Variants in UBE2E3 observed in about 807,000 individuals in gnomAD.
UBE2E3 encodes ubiquitin conjugating enzyme E2 E3.
UBE2E3 carries 5 observed loss-of-function variants against 23.6 expected under a neutral mutation model. The observed-to-expected ratio is 0.21, with a 90% CI of 0.11 to 0.44. The LOEUF is 0.44. Ranked by LOEUF, UBE2E3 falls within the 20% of genes least tolerant of loss-of-function variation. The pLI, the probability that UBE2E3 is intolerant of heterozygous loss-of-function variation, is 0.99. For synonymous variants in UBE2E3, 78 were observed against 87.5 expected, an observed-to-expected ratio of 0.89 and a Z score of 0.60; for missense variants, 81 against 249.8, an observed-to-expected ratio of 0.32 and a Z score of 4.55.
chr2:181,023,091 A>G (rs1685759352), intron 3 of UBE2E3, among the ~76,000 whole-genome samples: 1 of 152,234 alleles, frequency 6.6e-6, no homozygotes, highest in Non-Finnish European at 1.5e-5. Context: ...TAACCCCGAC[A>G]TGAGTAAGTT....
At chr2:181,021,644 CTTCCTTCCTTCCTTCCTTCCTTCT>C (rs1440743705) in intron 3 of UBE2E3, among the ~76,000 whole-genome samples, 2 of 125,600 alleles carry the variant, frequency 1.6e-5, no homozygotes, top group African/African-American at 6.0e-5. Flanking sequence ...TCCTTCCTTC[CTTCCTTCCTTCCTTCCTTCCTTCT>C]TTCCTTCCTT....
At chr2:181,044,609 C>A (rs1041519168) in intron 3 of UBE2E3, among the ~76,000 whole-genome samples, 5 of 152,018 alleles carry the variant, frequency 3.3e-5, no homozygotes, top group African/African-American at 1.2e-4. Flanking sequence ...TTTGTAATTT[C>A]AAGATTTGTG....
At chr2:181,023,145 C>G (rs970574685) in intron 3 of UBE2E3, among the ~76,000 whole-genome samples, 2 of 152,182 alleles carry the variant, frequency 1.3e-5, no homozygotes, top group African/African-American at 4.8e-5. Flanking sequence ...CCCCAATAAA[C>G]CCATCCTAAC....
chr2:181,061,514 CT>C (rs1442869067), intron 5 of UBE2E3, among the ~76,000 whole-genome samples: 1 of 151,564 alleles, frequency 6.6e-6, no homozygotes, highest in African/African-American at 2.4e-5. Context: ...TAGGCAACTA[CT>C]TTAATAATAG....
chr2:181,007,500 G>GTT (rs3060035), intron 3 of UBE2E3, among the ~76,000 whole-genome samples: 3 of 146,008 alleles, frequency 2.1e-5, no homozygotes, highest in Non-Finnish European at 3.0e-5. Context: ...AAGTATAATT[G>GTT]TTTTTTTTTT....
chr2:181,042,300 G>A (rs2105668338), intron 3 of UBE2E3, among the ~76,000 whole-genome samples: 1 of 152,280 alleles, frequency 6.6e-6, no homozygotes, highest in East Asian at 1.9e-4. Context: ...AATATTCTGT[G>A]CCTTCAGAGG....
chr2:181,014,713 T>G (rs1442893337), intron 3 of UBE2E3, among the ~76,000 whole-genome samples: 2 of 152,150 alleles, frequency 1.3e-5, no homozygotes. Context: ...TGTTTTATTA[T>G]TTTTTAAATT....
At chr2:181,034,279 A>G (rs868801321) in intron 3 of UBE2E3, among the ~76,000 whole-genome samples, 3 of 152,344 alleles carry the variant, frequency 2.0e-5, no homozygotes, top group African/African-American at 2.4e-5. Flanking sequence ...AACCAACCCA[A>G]ATGTCCATCA....
At chr2:181,032,776 A>G (rs1686124218) in intron 3 of UBE2E3, among the ~76,000 whole-genome samples, 1 of 152,150 alleles carries the variant, frequency 6.6e-6, no homozygotes, top group Non-Finnish European at 1.5e-5. Context: ...TTAATTTAGG[A>G]TTATCAAACA....
At chr2:181,001,346 C>T (rs888332902) in intron 3 of UBE2E3, among the ~76,000 whole-genome samples, 4 of 152,028 alleles carry the variant, frequency 2.6e-5, no homozygotes, top group African/African-American at 9.7e-5. Context: ...GCTTGGATTT[C>T]GAAAGTAGAA....
intron 3 of UBE2E3, among the ~76,000 whole-genome samples, chr2:181,022,090 AAC>A (rs1685721317): frequency 6.6e-6 from 1 of 152,228 alleles, no homozygotes; most frequent in African/African-American, 2.4e-5. Flanking sequence ...AGATAGCATT[AAC>A]AGTAATATTG....
At chr2:181,025,509 T>G (rs1427281288) in intron 3 of UBE2E3, among the ~76,000 whole-genome samples, 1 of 144,578 alleles carries the variant, frequency 6.9e-6, no homozygotes, top group East Asian at 2.1e-4. Context: ...ATTTGGGATA[T>G]ATGGCATTTA....
intron 3 of UBE2E3, among the ~76,000 whole-genome samples, chr2:181,013,193 G>A (rs996744605): frequency 6.6e-6 from 1 of 152,116 alleles, no homozygotes; most frequent in Admixed American, 6.6e-5. Flanking sequence ...TGTTATGATA[G>A]TGAACCATAG....
chr2:181,021,053 T>C (rs1685653765), intron 3 of UBE2E3, among the ~76,000 whole-genome samples: 1 of 152,248 alleles, frequency 6.6e-6, no homozygotes, highest in Non-Finnish European at 1.5e-5. Flanking sequence ...TTTCTTACCC[T>C]ACTATATGTG....
intron 3 of UBE2E3, among the ~76,000 whole-genome samples, chr2:181,051,252 C>G (rs1370840515): frequency 6.6e-6 from 1 of 151,802 alleles, no homozygotes; most frequent in East Asian, 1.9e-4. Context: ...TGAGAGCTAT[C>G]TCTTGCTGAA....
chr2:181,035,295 T>C (rs1686232811), intron 3 of UBE2E3, among the ~76,000 whole-genome samples: 1 of 152,166 alleles, frequency 6.6e-6, no homozygotes, highest in South Asian at 2.1e-4. Flanking sequence ...TGAACTATTC[T>C]TTCAAGGGTT....
At chr2:181,041,813 A>G (rs867965087) in intron 3 of UBE2E3, among the ~76,000 whole-genome samples, 1 of 152,316 alleles carries the variant, frequency 6.6e-6, no homozygotes, top group Middle Eastern at 3.4e-3. Context: ...GAATTGAATG[A>G]CAACCAAACC....
At chr2:181,018,384 A>G (rs978523300) in intron 3 of UBE2E3, among the ~76,000 whole-genome samples, 1 of 151,912 alleles carries the variant, frequency 6.6e-6, no homozygotes, top group Non-Finnish European at 1.5e-5. Context: ...ATATATATAT[A>G]TATTTGACCT....
chr2:180,999,184 A>C (rs1207617462), intron 3 of UBE2E3, among the ~76,000 whole-genome samples: 1 of 152,194 alleles, frequency 6.6e-6, no homozygotes, highest in Non-Finnish European at 1.5e-5. Context: ...TGATAAGAGA[A>C]TAATACCCCT....
Sources: allele counts gnomAD v4.1 joint callset (sites outside exome capture counted in the v4.1 genomes callset), GRCh38; gene constraint gnomAD v4.1.1; transcripts MANE v1.5; gene names NCBI Gene and HGNC (gene_info 2026-07-23, HGNC 2026-07-21).